Variants in RNLS observed in about 807,000 individuals in gnomAD.
RNLS encodes renalase.
In RNLS, 39 loss-of-function variants were observed where a neutral mutation model predicts 39.8. The ratio of observed to expected loss-of-function variants is 0.98; its 90% CI spans 0.76 to 1.28. The LOEUF is 1.28. RNLS is among the 50% of genes most tolerant of loss of function. The pLI, the probability that RNLS is intolerant of heterozygous loss-of-function variation, is 0.00. For synonymous variants in RNLS, 147 were observed against 150.7 expected, an observed-to-expected ratio of 0.98 and a Z score of 0.18; for missense variants, 410 against 413.3, an observed-to-expected ratio of 0.99 and a Z score of 0.07.
chr10:88,550,273 G>A (rs959041155), intron 4 of RNLS, among the ~76,000 whole-genome samples: 2 of 152,110 alleles, frequency 1.3e-5, no homozygotes, highest in African/African-American at 2.4e-5. Flanking sequence ...CAGGATAAAA[G>A]GAATTTGTTT....
intron 4 of RNLS, among the ~76,000 whole-genome samples, chr10:88,537,407 T>C (rs955667526): frequency 6.6e-6 from 1 of 152,178 alleles, no homozygotes; most frequent in Admixed American, 6.6e-5. Flanking sequence ...TGTACAAGAA[T>C]GTTCACAGGA....
intron 4 of RNLS, among the ~76,000 whole-genome samples, chr10:88,449,372 ACT>A (rs1564808433): frequency 6.6e-6 from 1 of 152,022 alleles, no homozygotes; most frequent in Non-Finnish European, 1.5e-5. Flanking sequence ...ATGGAATAAA[ACT>A]CTTTTCCACG....
chr10:88,213,352 C>T, the RNLS span, among the ~76,000 whole-genome samples: 1 of 151,752 alleles, frequency 6.6e-6, no homozygotes, highest in Non-Finnish European at 1.5e-5. Flanking sequence ...GTCTGAGTGC[C>T]TTCTGCTTGT....
At chr10:88,200,167 C>T in the RNLS span, among the ~76,000 whole-genome samples, 3 of 152,164 alleles carry the variant, frequency 2.0e-5, no homozygotes, top group South Asian at 6.2e-4. Flanking sequence ...CCCAACTACC[C>T]ACAGAGGTGA....
chr10:88,211,081 C>T, the RNLS span, among the ~76,000 whole-genome samples: 1 of 152,150 alleles, frequency 6.6e-6, no homozygotes, highest in Non-Finnish European at 1.5e-5. Context: ...TCTTTGACTT[C>T]CTTCTTTCTC....
intron 4 of RNLS, among the ~76,000 whole-genome samples, chr10:88,388,731 T>C (rs1348302549): frequency 6.6e-6 from 1 of 152,206 alleles, no homozygotes; most frequent in Non-Finnish European, 1.5e-5. Context: ...CTTATGTTTT[T>C]ATTTGATTCC....
rs78750715 is a variant in RNLS at position 88,459,185 on chromosome 10, G to A, written c.527-96460C>T. Among the ~76,000 whole-genome samples, 440 of 151,740 alleles carry A rather than the reference G, an allele frequency of 2.9e-3. 3 individuals are homozygous for A. Among genetic ancestry groups the A allele is most frequent in the African/African-American group, 0.01 (421 of 41,370 alleles). On this transcript the variant is annotated intron_variant, in intron 4 of 6. Transcript: ENST00000331772. Reference sequence around the variant, plus strand: ...GTGGGTAGGACAAGAAGAAGTGGGAGTGAATGTTTTCAAAAAGCTTTTGGT... The same window carrying A: ...GTGGGTAGGACAAGAAGAAGTGGGAATGAATGTTTTCAAAAAGCTTTTGGT...
intron 6 of RNLS, among the ~76,000 whole-genome samples, chr10:88,301,619 G>A (rs933642775): frequency 6.6e-6 from 1 of 152,218 alleles, no homozygotes; most frequent in African/African-American, 2.4e-5. Context: ...TGATTGGTAA[G>A]AAGCTGGAAA....
chr10:88,516,001 C>T (rs189236542), intron 4 of RNLS, among the ~76,000 whole-genome samples: 1 of 152,028 alleles, frequency 6.6e-6, no homozygotes, highest in African/African-American at 2.4e-5. Context: ...AAGAAATACA[C>T]CAAGGATGCA....
At chr10:88,205,503 C>T in the RNLS span, among the ~76,000 whole-genome samples, 4 of 152,082 alleles carry the variant, frequency 2.6e-5, no homozygotes, top group Non-Finnish European at 5.9e-5. Flanking sequence ...AGATTTGAAA[C>T]CTGTCCTACC....
chr10:88,512,110 G>A (rs1846149978), intron 4 of RNLS, among the ~76,000 whole-genome samples: 1 of 152,112 alleles, frequency 6.6e-6, no homozygotes, highest in East Asian at 1.9e-4. Context: ...AATTTTGCTA[G>A]TAAATAACAT....
intron 4 of RNLS, among the ~76,000 whole-genome samples, chr10:88,531,812 G>A (rs1847443041): frequency 6.6e-6 from 1 of 152,024 alleles, no homozygotes; most frequent in Non-Finnish European, 1.5e-5. Context: ...TTGCTCTGGT[G>A]TAGAATTTCT....
chr10:88,375,240 A>C (rs963889629), intron 4 of RNLS, among the ~76,000 whole-genome samples: 8 of 152,124 alleles, frequency 5.3e-5, no homozygotes, highest in Admixed American at 5.2e-4. Flanking sequence ...AAACCCCAAA[A>C]TAAATTAAAA....
At chr10:88,312,305 C>G (rs1845439317) in intron 6 of RNLS, among the ~76,000 whole-genome samples, 1 of 152,104 alleles carries the variant, frequency 6.6e-6, no homozygotes, top group South Asian at 2.1e-4. Context: ...TGGGAGGGGT[C>G]TCAAGCTGAG....
intron 4 of RNLS, among the ~76,000 whole-genome samples, chr10:88,554,872 T>C (rs1244733938): frequency 6.6e-6 from 1 of 152,096 alleles, no homozygotes. Context: ...AAAAATACAA[T>C]ACAATACAAT....
the RNLS span, among the ~76,000 whole-genome samples, chr10:88,198,903 T>C: frequency 2.0e-5 from 3 of 152,178 alleles, no homozygotes; most frequent in Non-Finnish European, 4.4e-5. Flanking sequence ...GGTTGTATGA[T>C]ATTATTAATA....
intron 1 of RNLS, among the ~76,000 whole-genome samples, chr10:88,582,608 T>C (rs1850664207): frequency 1.3e-5 from 2 of 152,196 alleles, no homozygotes; most frequent in Admixed American, 1.3e-4. Flanking sequence ...ATACAGTCAA[T>C]CTTCATGAGA....
At chr10:88,258,792 T>C in the RNLS span, among the ~76,000 whole-genome samples, 3 of 152,208 alleles carry the variant, frequency 2.0e-5, no homozygotes, top group African/African-American at 7.2e-5. Flanking sequence ...ACTCTTACCT[T>C]AGGAGTTTTA....
intron 4 of RNLS, among the ~76,000 whole-genome samples, chr10:88,565,956 C>T (rs1454456637): frequency 6.6e-6 from 1 of 151,658 alleles, no homozygotes; most frequent in Non-Finnish European, 1.5e-5. Context: ...ATCATGTTGG[C>T]CAGGATGGTC....
Sources: allele counts gnomAD v4.1 joint callset (sites outside exome capture counted in the v4.1 genomes callset), GRCh38; gene constraint gnomAD v4.1.1; transcripts MANE v1.5; gene names NCBI Gene and HGNC (gene_info 2026-07-23, HGNC 2026-07-21).